Variants in CYP39A1 observed in about 807,000 individuals in gnomAD.
CYP39A1 encodes 24-hydroxycholesterol 7-alpha-hydroxylase.
CYP39A1 carries 49 observed loss-of-function variants against 58.1 expected under a neutral mutation model. The observed-to-expected ratio is 0.84, with a 90% CI of 0.67 to 1.07. The LOEUF is 1.07. Among genes scored for constraint, CYP39A1 ranks in the 50% least tolerant of loss-of-function variants. The probability of loss-of-function intolerance (pLI) is 0.00; values close to 1 mark genes in which losing one functional copy is unlikely to be tolerated. For synonymous variants in CYP39A1, 209 were observed against 187.6 expected (o/e 1.11, Z -0.93); for missense variants, 531 against 539.4 (o/e 0.98, Z 0.16).
At chr6:46,631,186 A>T in intron 5 of CYP39A1, 116 bp from the exon 6 acceptor site, 1 of 833,926 alleles carries the variant, frequency 1.2e-6, no homozygotes. Flanking sequence ...TGCCATTCCC[A>T]GGTTTTGCAG....
intron 7 of CYP39A1, among the ~76,000 whole-genome samples, chr6:46,616,723 A>G (rs572521159): frequency 2.0e-5 from 3 of 152,300 alleles, no homozygotes; most frequent in African/African-American, 7.2e-5. Flanking sequence ...GAATTAATAA[A>G]TGAATGGGTG....
chr6:46,583,640 A>G, intron 10 of CYP39A1: 1 of 972,440 alleles, frequency 1.0e-6, no homozygotes. Context: ...GAATTACTAG[A>G]AAGATTTTCT....
intron 10 of CYP39A1, among the ~76,000 whole-genome samples, chr6:46,577,124 T>C (rs982707975): frequency 6.6e-6 from 1 of 152,158 alleles, no homozygotes; most frequent in African/African-American, 2.4e-5. Flanking sequence ...GGGGTGTATA[T>C]TTAGCATCCT....
intron 10 of CYP39A1, among the ~76,000 whole-genome samples, chr6:46,561,390 A>G (rs1425121157): frequency 2.0e-5 from 3 of 152,132 alleles, no homozygotes; most frequent in Admixed American, 2.0e-4. Flanking sequence ...CACTGCAACA[A>G]GCGAAAAAGA....
intron 7 of CYP39A1, among the ~76,000 whole-genome samples, chr6:46,622,497 T>TA (rs575699719): frequency 1.3e-3 from 199 of 149,988 alleles, no homozygotes; most frequent in African/African-American, 4.4e-3. Flanking sequence ...CTTGTGGTCC[T>TA]AGCTACTCAG....
Position 46,642,192 on chromosome 6 carries a change from A to G in CYP39A1, c.284T>C (p.Leu95Pro), listed in dbSNP as rs767492697. ...ACGATAAACGATATTTTGCACTGCT[A>G]GTTCAAAATCTACTTTTTTGGATTT... ...FLKSKKVDFE[L>P]AVQNIVYRTA... The change falls in exon 2 of 12, where the codon CTA (leucine) becomes CCA (proline). Residue 95 changes from leucine (L) to proline (P), a missense_variant. Coordinates refer to ENST00000275016, the MANE Select transcript of CYP39A1 (RefSeq NM_016593.5). The G allele has an allele frequency of 6.2e-7, 1 of 1,612,894 alleles. No individual in the cohort carries two copies. The highest frequency in any genetic ancestry group is 1.1e-5 in the South Asian group (1 of 90,994).
At position 46,550,474 on chromosome 6, in the gene CYP39A1, G is replaced by T. The variant is rs771608820; in HGVS notation, c.1339-37C>A. On this transcript the variant is annotated intron_variant, in intron 11 of 11. Coordinates refer to ENST00000275016, the MANE Select transcript of CYP39A1 (RefSeq NM_016593.5). ...AATGCAGAAGAAATAGAAATTAAGA[G>T]ACATAAGTCCACAGTTTCAGACCTA... 1.0e-5 allele frequency: 16 copies of T among 1,567,884 alleles called. 1 individual carries two copies. The highest frequency in any genetic ancestry group is 1.7e-5 in the Admixed American group (1 of 58,370).
intron 6 of CYP39A1, among the ~76,000 whole-genome samples, chr6:46,629,204 G>T (rs753704723): frequency 1.3e-5 from 2 of 152,176 alleles, no homozygotes; most frequent in Non-Finnish European, 2.9e-5. Flanking sequence ...TGAAATGAAT[G>T]ATTTAAATCC....
intron 10 of CYP39A1, among the ~76,000 whole-genome samples, chr6:46,572,891 TATCTTCA>T (rs1771664809): frequency 6.6e-6 from 1 of 151,978 alleles, no homozygotes; most frequent in Non-Finnish European, 1.5e-5. Context: ...TCAAAAGACC[TATCTTCA>T]ATCTCAGAGA....
At chr6:46,554,366 G>C (rs758222914) in intron 10 of CYP39A1, among the ~76,000 whole-genome samples, 55 of 152,250 alleles carry the variant, frequency 3.6e-4, no homozygotes, top group Non-Finnish European at 6.3e-4. Flanking sequence ...CCTAAGTCTA[G>C]ATCCTGTTGC....
At chr6:46,596,166 G>A in intron 7 of CYP39A1, 46 bp from the exon 8 acceptor site, 1 of 1,481,350 alleles carries the variant, frequency 6.8e-7, no homozygotes, top group Non-Finnish European at 9.2e-7. Context: ...ACAGAGGTCA[G>A]AAAGTGATTT....
chr6:46,634,507 CTTT>C (rs147533342), intron 5 of CYP39A1, among the ~76,000 whole-genome samples: 1 of 139,036 alleles, frequency 7.2e-6, no homozygotes, highest in African/African-American at 2.7e-5. Flanking sequence ...GGGAATTTTA[CTTT>C]TTTTTTCTTT....
At chr6:46,589,161 A>G (rs1229937464) in intron 8 of CYP39A1, among the ~76,000 whole-genome samples, 1 of 152,108 alleles carries the variant, frequency 6.6e-6, no homozygotes, top group Non-Finnish European at 1.5e-5. Flanking sequence ...ACAATTAAAA[A>G]CATGTCTTCT....
intron 10 of CYP39A1, among the ~76,000 whole-genome samples, chr6:46,574,741 G>T (rs1041644264): frequency 6.6e-6 from 1 of 151,954 alleles, no homozygotes; most frequent in Admixed American, 6.6e-5. Context: ...GATCTATTTT[G>T]TAAATAAAGG....
intron 7 of CYP39A1, among the ~76,000 whole-genome samples, chr6:46,619,755 G>T (rs1774840909): frequency 6.6e-6 from 1 of 151,998 alleles, no homozygotes; most frequent in African/African-American, 2.4e-5. Flanking sequence ...TTTATAAAAA[G>T]CACTTAGTTC....
chr6:46,650,020 A>G (rs1762573413), intron 1 of CYP39A1, among the ~76,000 whole-genome samples: 1 of 152,018 alleles, frequency 6.6e-6, no homozygotes, highest in Non-Finnish European at 1.5e-5. Context: ...TTTCGCATCA[A>G]GTCTACTGAG....
intron 8 of CYP39A1, among the ~76,000 whole-genome samples, chr6:46,590,397 G>T (rs1009204859): frequency 1.3e-5 from 2 of 152,030 alleles, no homozygotes; most frequent in African/African-American, 4.8e-5. Flanking sequence ...TTCAAGAAAG[G>T]TGCTCAGAGC....
intron 7 of CYP39A1, among the ~76,000 whole-genome samples, chr6:46,616,006 C>A (rs1373402315): frequency 2.0e-5 from 1 of 50,484 alleles, no homozygotes; most frequent in Non-Finnish European, 5.4e-5. Flanking sequence ...TTCCCTCCCT[C>A]CCCCCTCCCT....
chr6:46,591,987 A>G (rs1248533600), intron 8 of CYP39A1, among the ~76,000 whole-genome samples: 1 of 152,292 alleles, frequency 6.6e-6, no homozygotes, highest in Middle Eastern at 3.4e-3. Flanking sequence ...ATCTTTTCCA[A>G]TACTCTTTTT....
Sources: gnomAD v4.1 joint callset for allele counts (sites outside exome capture counted in the v4.1 genomes callset) on GRCh38, gnomAD v4.1.1 for gene constraint, MANE v1.5 for transcripts, NCBI Gene and HGNC (gene_info 2026-07-23, HGNC 2026-07-21) for gene names.